Variants in SAG observed in about 807,000 individuals in gnomAD.
SAG encodes the protein S-antigen visual arrestin.
Under a neutral mutation model 55.0 loss-of-function variants are expected in SAG, and 45 were observed. That is an observed-to-expected ratio of 0.82 (90% CI 0.64 to 1.05). SAG has a LOEUF of 1.05. SAG is among the 50% of genes least tolerant of loss of function. The probability of loss-of-function intolerance (pLI) is 0.00; values close to 1 mark genes in which losing one functional copy is unlikely to be tolerated. For synonymous variants in SAG, 189 were observed against 197.4 expected (o/e 0.96, Z 0.36); for missense variants, 455 against 512.1 (o/e 0.89, Z 1.08).
At chr2:233,317,650 A>C (rs554299470) in intron 3 of SAG, among the ~76,000 whole-genome samples, 53 of 152,386 alleles carry the variant, frequency 3.5e-4, no homozygotes, top group African/African-American at 1.3e-3. Context: ...CATATGTATA[A>C]GGATGTTCAT....
chr2:233,342,572 G>A (rs746140826), intron 14 of SAG: 6 of 523,664 alleles, frequency 1.1e-5, no homozygotes, highest in Non-Finnish European at 2.1e-5. Context: ...TCTTGGACAG[G>A]GACAATCTCG....
At chr2:233,344,837 A>G (rs1701204232) in intron 14 of SAG, 1 of 152,232 alleles carries the variant, frequency 6.6e-6, no homozygotes, top group Admixed American at 6.5e-5. Flanking sequence ...GTGCTGTGAC[A>G]TGCTACCAAG....
At chr2:233,331,892 ACACC>A in intron 10 of SAG, 180 bp downstream of exon 10, 1 of 627,264 alleles carries the variant, frequency 1.6e-6, no homozygotes, top group Non-Finnish European at 2.9e-6. Context: ...TGCATCTACC[ACACC>A]CCTCTGTGCC....
intron 8 of SAG, chr2:233,328,827 G>A (rs939248153): frequency 1.0e-5 from 5 of 500,084 alleles, no homozygotes; most frequent in Middle Eastern, 5.2e-4. Flanking sequence ...ACTGGCTTGC[G>A]TTCCACCCAC....
At position 233,340,627 on chromosome 2, in the gene SAG, A is replaced by C; in HGVS notation, c.1046+149A>C. On this transcript the variant is annotated intron_variant, in intron 13 of 15. Coordinates refer to ENST00000409110, the MANE Select transcript of SAG (RefSeq NM_000541.5). The surrounding 1 kb of genome is among the most constrained non-coding windows in gnomAD (Gnocchi z 4.2). ...ATGATGCTTTGCCTTCGGATGCATC[A>C]CAGAACCGTGGCTCATAGGCGTTTC... The C allele has an allele frequency of 1.5e-6, 1 of 669,926 alleles. No individual in the cohort carries two copies. Among genetic ancestry groups the C allele is most frequent in the Non-Finnish European group, 2.7e-6 (1 of 375,128 alleles). The allele number at this position is 669,926 out of a possible 1,614,324, so 41.5% of individuals were successfully genotyped here. A position where few individuals can be genotyped will look rare whatever the true frequency, so the allele number is the denominator to read the frequency against.
chr2:233,309,263 C>A lies in SAG; in HGVS notation c.74C>A (p.Ser25Ter), dbSNP rs374930316. 10 of 1,611,914 alleles carry A rather than the reference C, an allele frequency of 6.2e-6. No homozygotes were observed. The highest frequency in any genetic ancestry group is 7.6e-6 in the Non-Finnish European group (9 of 1,178,396). Residue 25 changes from serine to a stop codon, truncating the protein, a stop_gained and splice_region_variant, in exon 2 of 16, where the codon TCG becomes TAG. Transcript: ENST00000409110. LOFTEE classifies it high-confidence loss of function. Reference sequence around the variant, plus strand: ...TTCAAGAAGATCTCCCGGGACAAATCGGTGAGTGGTGCACAAGTGAGTGAT... The same window carrying A: ...TTCAAGAAGATCTCCCGGGACAAATAGGTGAGTGGTGCACAAGTGAGTGAT... Reference protein sequence around the residue: ...VIFKKISRDKSVTIYLGNRDY... With the variant: ...VIFKKISRDK
chr2:233,328,275 G>T, intron 7 of SAG: 1 of 497,822 alleles, frequency 2.0e-6, no homozygotes, highest in Non-Finnish European at 3.5e-6. Flanking sequence ...CCACAGGGAA[G>T]GGACCAGGAC....
chr2:233,332,260 CT>C (rs1700789913), intron 10 of SAG: 1 of 156,460 alleles, frequency 6.4e-6, no homozygotes, highest in Admixed American at 6.4e-5. Flanking sequence ...ACCTGCCCAG[CT>C]TTGCTGTGTG....
chr2:233,313,706 C>G (rs941376039), intron 2 of SAG, among the ~76,000 whole-genome samples: 1 of 138,592 alleles, frequency 7.2e-6, no homozygotes, highest in African/African-American at 2.7e-5. Context: ...CCACCTTGCC[C>G]GGGCTAATCT....
At chr2:233,315,729 G>T (rs1217626978) in intron 2 of SAG, among the ~76,000 whole-genome samples, 4 of 148,850 alleles carry the variant, frequency 2.7e-5, no homozygotes, top group African/African-American at 1.0e-4. Context: ...TTGAGACGGA[G>T]TCTCACTCTG....
intron 6 of SAG, among the ~76,000 whole-genome samples, chr2:233,323,370 T>C (rs1295190028): frequency 1.4e-5 from 2 of 140,556 alleles, no homozygotes; most frequent in African/African-American, 5.3e-5. Flanking sequence ...TTCAATAGAC[T>C]TTTTTTTTTT....
intron 12 of SAG, among the ~76,000 whole-genome samples, chr2:233,339,543 T>G (rs1184588780): frequency 4.6e-5 from 7 of 151,826 alleles, no homozygotes; most frequent in South Asian, 4.1e-4. Context: ...TAGTGTTTTT[T>G]TTTTTTTTTT....
At position 233,309,978 on chromosome 2, in the gene SAG, A is replaced by T. The variant is rs573941460; in HGVS notation, c.75+714A>T. Among the ~76,000 whole-genome samples, 6 of 152,228 alleles carry T rather than the reference A, an allele frequency of 3.9e-5. No homozygotes were observed. The East Asian group carries it at 9.6e-4, about 24-fold the overall frequency. ...CTGGGTAAAACCCAGACAGTGATCA[A>T]TGTGACTCCTTCTTCTCCGTGCACC... is the stretch of plus-strand genomic sequence containing the variant. On this transcript the variant is annotated intron_variant, in intron 2 of 15. Coordinates refer to ENST00000409110, the MANE Select transcript of SAG (RefSeq NM_000541.5).
intron 2 of SAG, among the ~76,000 whole-genome samples, chr2:233,314,608 G>T (rs186370139): frequency 3.9e-5 from 6 of 152,202 alleles, no homozygotes; most frequent in Non-Finnish European, 8.8e-5. Flanking sequence ...CGGTCAGCCC[G>T]CTGCTCACAG....
intron 14 of SAG, chr2:233,343,998 T>A (rs1213506752): frequency 6.4e-6 from 1 of 156,910 alleles, no homozygotes; most frequent in East Asian, 1.9e-4. Flanking sequence ...AAAAATGTAG[T>A]CCAGCTATAT....
intron 6 of SAG, among the ~76,000 whole-genome samples, chr2:233,325,792 A>T (rs1700533975): frequency 6.6e-6 from 1 of 152,200 alleles, no homozygotes; most frequent in South Asian, 2.1e-4. Context: ...GTGCGCCCTG[A>T]GCCCAGGGAG....
In SAG at chr2:233,309,176, C is replaced by A; in HGVS notation, c.-14C>A. 1 of 1,612,468 alleles carries A rather than the reference C, an allele frequency of 6.2e-7. No individual in the cohort carries two copies. Among genetic ancestry groups the A allele is most frequent in the South Asian group, 1.1e-5 (1 of 90,924 alleles). ...AACACCCCAAGGTGGTAGAAGTTGC[C>A]AGGGACAGATAACATGGCAGCCAGC... On this transcript the variant is annotated 5_prime_UTR_variant, in exon 2 of 16. Transcript: ENST00000409110.
Position 233,329,577 on chromosome 2 carries a change from G to A in SAG, c.733G>A (p.Val245Met), listed in dbSNP as rs1161859957. The A allele has an allele frequency of 5.6e-6, 9 of 1,599,306 alleles. No homozygotes were observed. Among genetic ancestry groups the A allele is most frequent in the East Asian group, 2.2e-5 (1 of 44,792 alleles). ...EKTVKKIKAF[V>M]EQVANVVLYS... is the part of the protein sequence containing the mutation. ...GACCGTGAAGAAGATTAAAGCATTC[G>A]GTAGGACCTTCTTCTCAGAAGTAGA... Residue 245 changes from valine (V) to methionine (M), a missense_variant and splice_region_variant, in exon 9 of 16, where the codon GTG becomes ATG. Transcript: ENST00000409110.
intron 2 of SAG, among the ~76,000 whole-genome samples, chr2:233,313,459 G>A (rs1308888770): frequency 5.3e-5 from 8 of 152,080 alleles, no homozygotes; most frequent in East Asian, 1.9e-4. Context: ...GCAGAATAGC[G>A]AGGTCATAGT....
Sources: allele counts gnomAD v4.1 joint callset (sites outside exome capture counted in the v4.1 genomes callset), GRCh38; gene constraint gnomAD v4.1.1; non-coding constraint Gnocchi (gnomAD v3.1); transcripts MANE v1.5; gene names NCBI Gene and HGNC (gene_info 2026-07-23, HGNC 2026-07-21).